Variants in FARS2 observed in about 807,000 individuals in gnomAD.
The protein encoded by FARS2 is phenylalanine--tRNA ligase, mitochondrial.
A neutral mutation model predicts 46.4 loss-of-function variants in FARS2; 40 were observed. That is an observed-to-expected ratio of 0.86 (90% CI 0.67 to 1.12). The LOEUF is 1.12. FARS2 is among the 50% of genes most tolerant of loss of function. The probability of loss-of-function intolerance (pLI) is 0.00; values close to 1 mark genes in which losing one functional copy is unlikely to be tolerated. For synonymous variants in FARS2, 234 were observed against 214.9 expected (o/e 1.09, Z -0.78); for missense variants, 513 against 567.9 (o/e 0.90, Z 0.98).
chr6:5,692,425 C>A (rs1226815499), intron 6 of FARS2, among the ~76,000 whole-genome samples: 2 of 152,142 alleles, frequency 1.3e-5, no homozygotes, highest in Non-Finnish European at 2.9e-5. Context: ...TTTGGCAAAC[C>A]ATATATTCAC....
At chr6:5,695,106 T>C (rs1478566725) in intron 6 of FARS2, 1 of 152,268 alleles carries the variant, frequency 6.6e-6, no homozygotes, top group Non-Finnish European at 1.5e-5. Context: ...TTTCTTCTTT[T>C]CATTCTCATG....
chr6:5,266,481 CAT>C (rs1765557462), intron 1 of FARS2, among the ~76,000 whole-genome samples: 1 of 151,722 alleles, frequency 6.6e-6, no homozygotes, highest in Non-Finnish European at 1.5e-5. Flanking sequence ...GCCTGGGTAA[CAT>C]AGCGAGACCC....
At chr6:5,660,555 G>A (rs956694481) in intron 6 of FARS2, among the ~76,000 whole-genome samples, 4 of 152,006 alleles carry the variant, frequency 2.6e-5, no homozygotes, top group South Asian at 2.1e-4. Flanking sequence ...GGCTGAGGTG[G>A]GGGGATCCCC....
intron 1 of FARS2, among the ~76,000 whole-genome samples, chr6:5,346,211 A>C (rs1329537657): frequency 6.6e-6 from 1 of 152,220 alleles, no homozygotes; most frequent in Admixed American, 6.5e-5. Context: ...ATATCATATG[A>C]AAAACCACTC....
intron 6 of FARS2, among the ~76,000 whole-genome samples, chr6:5,692,575 GA>G (rs1757819423): frequency 6.6e-6 from 1 of 152,142 alleles, no homozygotes; most frequent in African/African-American, 2.4e-5. Flanking sequence ...TAGATTGAAG[GA>G]AAATAGATAG....
At chr6:5,650,977 A>G (rs1777331394) in intron 6 of FARS2, among the ~76,000 whole-genome samples, 1 of 152,230 alleles carries the variant, frequency 6.6e-6, no homozygotes, top group Non-Finnish European at 1.5e-5. Flanking sequence ...CTGTACCAGT[A>G]AGATGTAGGG....
rs147738299 is a variant in FARS2, at chr6:5,641,263, A to C, written c.1217+27943A>C. 1.9e-4 allele frequency among the ~76,000 whole-genome samples: 29 copies of C among 152,050 alleles called. No individual in the cohort carries two copies. In the East Asian group the frequency reaches 5.2e-3, roughly 27 times the overall value. On this transcript the variant is annotated intron_variant, in intron 6 of 6. Coordinates refer to ENST00000274680, the MANE Select transcript of FARS2 (RefSeq NM_006567.5). Reference sequence around the variant, plus strand: ...GAACCTGCACTCTGTAAACTGCACTATCCGTTTCACGTGTCCCCAGTTTAT... The same window carrying C: ...GAACCTGCACTCTGTAAACTGCACTCTCCGTTTCACGTGTCCCCAGTTTAT...
chr6:5,583,421 A>G (rs1481667910), intron 5 of FARS2, among the ~76,000 whole-genome samples: 2 of 152,210 alleles, frequency 1.3e-5, no homozygotes, highest in Non-Finnish European at 2.9e-5. Flanking sequence ...CTATTTATAA[A>G]ATGAATAAAG....
intron 5 of FARS2, among the ~76,000 whole-genome samples, chr6:5,546,466 G>C (rs922703871): frequency 1.3e-5 from 2 of 151,292 alleles, no homozygotes; most frequent in African/African-American, 2.4e-5. Flanking sequence ...TGGCCAGGCT[G>C]GTCTCAAACT....
chr6:5,422,616 T>A (rs1762616186), intron 3 of FARS2, among the ~76,000 whole-genome samples: 1 of 152,184 alleles, frequency 6.6e-6, no homozygotes, highest in African/African-American at 2.4e-5. Flanking sequence ...CAGTCACATT[T>A]CCCTCATCTG....
chr6:5,495,975 A>G (rs1767437548), intron 4 of FARS2, among the ~76,000 whole-genome samples: 1 of 152,202 alleles, frequency 6.6e-6, no homozygotes, highest in East Asian at 1.9e-4. Context: ...CTGTCTGAAT[A>G]TGGAAGAAAG....
At chr6:5,491,093 T>C (rs1767078983) in intron 4 of FARS2, among the ~76,000 whole-genome samples, 1 of 152,150 alleles carries the variant, frequency 6.6e-6, no homozygotes, top group East Asian at 1.9e-4. Flanking sequence ...TCAGCAACAT[T>C]TTATATTGTT....
chr6:5,308,616 G>A (rs115955300), intron 1 of FARS2, among the ~76,000 whole-genome samples: 42 of 152,262 alleles, frequency 2.8e-4, no homozygotes, highest in African/African-American at 8.2e-4. Context: ...ACTTACTCTC[G>A]CCCTGTGTCC....
intron 5 of FARS2, among the ~76,000 whole-genome samples, chr6:5,567,015 TG>T (rs1329218165): frequency 6.6e-6 from 1 of 152,274 alleles, no homozygotes; most frequent in Non-Finnish European, 1.5e-5. Context: ...TGCCCATGTC[TG>T]GGCGTAGGCC....
intron 6 of FARS2, among the ~76,000 whole-genome samples, chr6:5,726,528 G>A (rs771569680): frequency 2.6e-5 from 4 of 152,230 alleles, no homozygotes; most frequent in Non-Finnish European, 4.4e-5. Context: ...AGTGGCACTC[G>A]TGTTAAGATG....
chr6:5,385,907 G>A (rs773114309), intron 2 of FARS2, among the ~76,000 whole-genome samples: 18 of 152,118 alleles, frequency 1.2e-4, no homozygotes, highest in East Asian at 5.8e-4. Flanking sequence ...CTCAGGGGTC[G>A]CCTGCTTAGT....
chr6:5,495,123 T>C (rs1767375588), intron 4 of FARS2, among the ~76,000 whole-genome samples: 1 of 152,214 alleles, frequency 6.6e-6, no homozygotes, highest in African/African-American at 2.4e-5. Context: ...TCTTCCCTTT[T>C]AGATAATAAA....
At chr6:5,281,131 T>C (rs1766695320) in intron 1 of FARS2, among the ~76,000 whole-genome samples, 2 of 152,236 alleles carry the variant, frequency 1.3e-5, no homozygotes, top group African/African-American at 4.8e-5. Flanking sequence ...TGTTGTCTTA[T>C]GACTACATAG....
chr6:5,327,218 C>G (rs1424196668), intron 1 of FARS2, among the ~76,000 whole-genome samples: 1 of 152,184 alleles, frequency 6.6e-6, no homozygotes, highest in Non-Finnish European at 1.5e-5. Context: ...TAGGCCTGTG[C>G]TAATGCTAAC....
Sources: allele counts gnomAD v4.1 joint callset (sites outside exome capture counted in the v4.1 genomes callset), GRCh38; gene constraint gnomAD v4.1.1; transcripts MANE v1.5; gene names NCBI Gene and HGNC (gene_info 2026-07-23, HGNC 2026-07-21).